LRMDA: variants seen among roughly 807,000 people sequenced by gnomAD.
LRMDA encodes the protein leucine-rich melanocyte differentiation-associated protein.
A neutral mutation model predicts 29.8 loss-of-function variants in LRMDA; 18 were observed. The ratio of observed to expected loss-of-function variants is 0.60; its 90% CI spans 0.42 to 0.90. The LOEUF is 0.90. LRMDA is among the 40% of genes least tolerant of loss of function. The pLI, the probability that LRMDA is intolerant of heterozygous loss-of-function variation, is 0.00. For synonymous variants in LRMDA, 125 were observed against 109.4 expected (o/e 1.14, Z -0.89); for missense variants, 273 against 273.9 (o/e 1.00, Z 0.02).
chr10:75,693,849 T>G (rs1212857339), intron 2 of LRMDA, among the ~76,000 whole-genome samples: 1 of 152,166 alleles, frequency 6.6e-6, no homozygotes, highest in Non-Finnish European at 1.5e-5. Context: ...ACAATTTATT[T>G]CAGGCCCCAT....
chr10:76,154,202 T>G (rs1441090841), intron 5 of LRMDA, among the ~76,000 whole-genome samples: 1 of 152,212 alleles, frequency 6.6e-6, no homozygotes, highest in South Asian at 2.1e-4. Flanking sequence ...TGACTCCTTC[T>G]GATGGATACA....
At position 75,494,515 on chromosome 10, in the gene LRMDA, C is replaced by CTTTTTTTTTTT. The variant is rs34902194; in HGVS notation, c.131+56033_131+56043dup. On this transcript the variant is annotated intron_variant, in intron 2 of 6. Coordinates refer to ENST00000611255, the MANE Select transcript of LRMDA (RefSeq NM_001305581.2). ...GCTAAAACAAGGTTTATGTTTGTTC[C>CTTTTTTTTTTT]TTTTTTTTTTTTTTTTTTTTTTGTT... is the stretch of plus-strand genomic sequence containing the variant. Among the ~76,000 whole-genome samples, 14 of 102,868 alleles carry CTTTTTTTTTTT rather than the reference C, an allele frequency of 1.4e-4. 2 individuals are homozygous for CTTTTTTTTTTT. Among genetic ancestry groups the CTTTTTTTTTTT allele is most frequent in the Admixed American group, 2.6e-4 (2 of 7,604 alleles). 67.5% of individuals were successfully genotyped at this position (102,868 alleles called of 152,430 possible).
chr10:75,519,747 C>T (rs12220066), intron 2 of LRMDA, among the ~76,000 whole-genome samples: 59,962 of 151,974 alleles, frequency 0.39, 12,982 homozygotes, highest in East Asian at 0.5. Flanking sequence ...TTATTTTGCC[C>T]GTTAATTGAT....
At position 75,694,801 on chromosome 10, in the gene LRMDA, C is replaced by A. The variant is rs146002533; in HGVS notation, c.131+256307C>A. Among the ~76,000 whole-genome samples the A allele has an allele frequency of 1.8e-3, 278 of 152,262 alleles. 1 individual carries two copies. The highest frequency in any genetic ancestry group is 6.5e-3 in the African/African-American group (272 of 41,550). On this transcript the variant is annotated intron_variant, in intron 2 of 6. Coordinates refer to ENST00000611255, the MANE Select transcript of LRMDA (RefSeq NM_001305581.2). ...GATAATATTGCAACCCTGTCTATAG[C>A]TCCTAATTATGTCGAGGAATTGGTG...
intron 6 of LRMDA, among the ~76,000 whole-genome samples, chr10:76,383,447 G>A (rs563366068): frequency 2.0e-3 from 230 of 114,768 alleles, no homozygotes; most frequent in Non-Finnish European, 2.9e-3. Flanking sequence ...TTTTTGAGAC[G>A]GAGTCTCGCT....
intron 5 of LRMDA, among the ~76,000 whole-genome samples, chr10:76,124,070 C>T (rs1849836350): frequency 1.3e-5 from 2 of 152,198 alleles, no homozygotes; most frequent in South Asian, 2.1e-4. Flanking sequence ...GCCTTGCTTT[C>T]CTCTCTCCTC....
chr10:76,505,400 A>AT (rs1842948983), intron 6 of LRMDA, among the ~76,000 whole-genome samples: 1 of 151,970 alleles, frequency 6.6e-6, no homozygotes, highest in Non-Finnish European at 1.5e-5. Flanking sequence ...AATGTCAATG[A>AT]CTTGTAGGTT....
intron 2 of LRMDA, among the ~76,000 whole-genome samples, chr10:75,572,670 C>T (rs1840452391): frequency 6.6e-6 from 1 of 152,188 alleles, no homozygotes; most frequent in African/African-American, 2.4e-5. Flanking sequence ...TATAGTTTAG[C>T]TGGGTATAGA....
chr10:75,868,444 G>A (rs998079991), intron 2 of LRMDA, among the ~76,000 whole-genome samples: 1 of 152,190 alleles, frequency 6.6e-6, no homozygotes, highest in African/African-American at 2.4e-5. Flanking sequence ...CAAGAGATAG[G>A]AGAATGCCTA....
intron 5 of LRMDA, among the ~76,000 whole-genome samples, chr10:76,316,800 C>G (rs1200723747): frequency 1.3e-5 from 2 of 152,166 alleles, no homozygotes; most frequent in Non-Finnish European, 2.9e-5. Flanking sequence ...TAATTAGCAG[C>G]AAACTATTAA....
intron 4 of LRMDA, among the ~76,000 whole-genome samples, chr10:76,056,734 C>T (rs1046603067): frequency 2.6e-5 from 4 of 152,212 alleles, no homozygotes; most frequent in African/African-American, 9.6e-5. Flanking sequence ...AGAGGCCAGG[C>T]AGTGGGAGCA....
chr10:76,050,134 G>GT (rs1754149289), intron 4 of LRMDA, among the ~76,000 whole-genome samples: 1 of 152,128 alleles, frequency 6.6e-6, no homozygotes, highest in Non-Finnish European at 1.5e-5. Context: ...TGTGTCTGTT[G>GT]TTTCATTTCC....
At chr10:75,910,050 G>A (rs763495149) in intron 2 of LRMDA, among the ~76,000 whole-genome samples, 17 of 152,108 alleles carry the variant, frequency 1.1e-4, no homozygotes, top group Non-Finnish European at 1.9e-4. Flanking sequence ...TTTCTTCATC[G>A]TGTTTATAGA....
chr10:76,005,778 A>C (rs1847640867), intron 2 of LRMDA, among the ~76,000 whole-genome samples: 1 of 151,716 alleles, frequency 6.6e-6, no homozygotes. Flanking sequence ...AAAATACAAA[A>C]AATTAGCCGA....
chr10:76,444,004 G>A (rs192624779), intron 6 of LRMDA, among the ~76,000 whole-genome samples: 2 of 152,242 alleles, frequency 1.3e-5, no homozygotes, highest in African/African-American at 2.4e-5. Context: ...GAGTGGATGA[G>A]CGCCGACTCA....
chr10:76,515,390 G>A (rs893287091), intron 6 of LRMDA, among the ~76,000 whole-genome samples: 2 of 152,078 alleles, frequency 1.3e-5, no homozygotes, highest in African/African-American at 4.8e-5. Flanking sequence ...ATTATTTGGG[G>A]CAAATTGAAC....
At chr10:76,435,292 G>A (rs1842234156) in intron 6 of LRMDA, among the ~76,000 whole-genome samples, 1 of 152,134 alleles carries the variant, frequency 6.6e-6, no homozygotes, top group Admixed American at 6.5e-5. Context: ...CTATAACTTG[G>A]CCTTGCCAAG....
intron 5 of LRMDA, among the ~76,000 whole-genome samples, chr10:76,198,194 T>C (rs1254189000): frequency 1.3e-5 from 2 of 152,216 alleles, no homozygotes; most frequent in African/African-American, 4.8e-5. Context: ...GCTTTGGTTG[T>C]CATCTGAAGC....
chr10:76,140,540 G>C (rs1850179721), intron 5 of LRMDA, among the ~76,000 whole-genome samples: 1 of 152,040 alleles, frequency 6.6e-6, no homozygotes, highest in Non-Finnish European at 1.5e-5. Flanking sequence ...GTATAAATGA[G>C]TTATCACTGG....
Sources: gnomAD v4.1 joint callset for allele counts (sites outside exome capture counted in the v4.1 genomes callset) on GRCh38, gnomAD v4.1.1 for gene constraint, MANE v1.5 for transcripts, NCBI Gene and HGNC (gene_info 2026-07-23, HGNC 2026-07-21) for gene names.